The following SCHIP1 variants were observed in gnomAD, a reference collection of about 807,000 sequenced individuals.
SCHIP1 encodes schwannomin interacting protein 1, also known as schwannomin-interacting protein 1.
Under a neutral mutation model 29.7 loss-of-function variants are expected in SCHIP1, and 8 were observed. The ratio of observed to expected loss-of-function variants is 0.27; its 90% CI spans 0.16 to 0.49. SCHIP1 has a LOEUF of 0.49. Ranked by LOEUF, SCHIP1 falls within the 20% of genes least tolerant of loss-of-function variation. The pLI is 0.99. For missense variants in SCHIP1, 193 were observed against 294.6 expected, an observed-to-expected ratio of 0.66 and a Z score of 2.52; for synonymous variants, 76 against 94.9, an observed-to-expected ratio of 0.80 and a Z score of 1.16.
the SCHIP1 span, chr3:159,764,281 C>A: frequency 2.7e-6 from 2 of 743,044 alleles, no homozygotes; most frequent in Non-Finnish European, 4.1e-6. This position sits in a 1 kb window ranked among gnomAD's most constrained non-coding sequence, Gnocchi z 6.1. Flanking sequence ...AGGAGGGAAG[C>A]CTCAGGCTGG....
chr3:159,606,626 A>G, the SCHIP1 span, among the ~76,000 whole-genome samples: 1 of 152,062 alleles, frequency 6.6e-6, no homozygotes, highest in African/African-American at 2.4e-5. Flanking sequence ...CAGGACACCC[A>G]TGGTAAACAT....
chr3:159,575,187 A>G, the SCHIP1 span, among the ~76,000 whole-genome samples: 1 of 152,192 alleles, frequency 6.6e-6, no homozygotes, highest in East Asian at 1.9e-4. Flanking sequence ...TTCTTCGTCA[A>G]TCACGCTGCG....
At chr3:159,357,131 G>T in the SCHIP1 span, among the ~76,000 whole-genome samples, 1 of 152,178 alleles carries the variant, frequency 6.6e-6, no homozygotes, top group Non-Finnish European at 1.5e-5. Flanking sequence ...AAAGTGACTT[G>T]TTTCAGCATG....
At chr3:159,671,729 G>C in the SCHIP1 span, among the ~76,000 whole-genome samples, 2 of 152,098 alleles carry the variant, frequency 1.3e-5, no homozygotes, top group Non-Finnish European at 2.9e-5. Context: ...GAAGCCATTG[G>C]TTTAACTCAA....
chr3:159,427,162 C>T, the SCHIP1 span, among the ~76,000 whole-genome samples: 12 of 152,010 alleles, frequency 7.9e-5, 1 homozygote, highest in East Asian at 9.7e-4. Flanking sequence ...CCCTCTCTCA[C>T]CACTCCTATT....
At chr3:159,303,481 A>G in the SCHIP1 span, among the ~76,000 whole-genome samples, 3 of 151,696 alleles carry the variant, frequency 2.0e-5, no homozygotes, top group East Asian at 5.8e-4. Flanking sequence ...AAAAGAAAAG[A>G]AAGAGAAAGA....
chr3:159,516,554 T>A, the SCHIP1 span, among the ~76,000 whole-genome samples: 1 of 152,096 alleles, frequency 6.6e-6, no homozygotes, highest in Non-Finnish European at 1.5e-5. Context: ...TCTTCTCCCC[T>A]CTCCAACCCC....
the SCHIP1 span, among the ~76,000 whole-genome samples, chr3:159,557,942 G>A: frequency 3.9e-5 from 6 of 152,220 alleles, no homozygotes; most frequent in African/African-American, 1.2e-4. Flanking sequence ...GTATAAGGAC[G>A]CAGTTCCTGG....
At chr3:159,563,480 A>T in the SCHIP1 span, among the ~76,000 whole-genome samples, 1 of 152,114 alleles carries the variant, frequency 6.6e-6, no homozygotes, top group East Asian at 1.9e-4. Context: ...TTATAAATTT[A>T]TGTATAAATA....
At chr3:159,343,579 A>G in the SCHIP1 span, among the ~76,000 whole-genome samples, 1 of 152,220 alleles carries the variant, frequency 6.6e-6, no homozygotes, top group Admixed American at 6.5e-5. Context: ...CAAGCAGACA[A>G]TCCAAACCAT....
At chr3:159,455,894 C>A in the SCHIP1 span, among the ~76,000 whole-genome samples, 1 of 152,086 alleles carries the variant, frequency 6.6e-6, no homozygotes, top group African/African-American at 2.4e-5. Flanking sequence ...AGGGCAGAGG[C>A]CTGGGGCTGC....
the SCHIP1 span, among the ~76,000 whole-genome samples, chr3:159,329,790 T>C: frequency 3.3e-5 from 5 of 152,286 alleles, no homozygotes; most frequent in Admixed American, 2.6e-4. Context: ...TGTAAATTTA[T>C]AGCAATGTTT....
chr3:159,422,057 T>C, the SCHIP1 span, among the ~76,000 whole-genome samples: 1 of 152,264 alleles, frequency 6.6e-6, no homozygotes, highest in Non-Finnish European at 1.5e-5. Context: ...TATTTTGTTA[T>C]TTAGTTGCTA....
chr3:159,460,114 G>A, the SCHIP1 span, among the ~76,000 whole-genome samples: 18 of 152,192 alleles, frequency 1.2e-4, no homozygotes, highest in Middle Eastern at 3.2e-3. Flanking sequence ...AATAGCATCA[G>A]CTGTTCCACA....
the SCHIP1 span, among the ~76,000 whole-genome samples, chr3:159,282,159 G>T: frequency 6.6e-6 from 1 of 151,912 alleles, no homozygotes; most frequent in African/African-American, 2.4e-5. Context: ...CCTTACAAGA[G>T]ATTACTGTAA....
At chr3:159,609,974 G>A in the SCHIP1 span, among the ~76,000 whole-genome samples, 12 of 152,152 alleles carry the variant, frequency 7.9e-5, no homozygotes, top group Non-Finnish European at 8.8e-5. Context: ...CCTATGCTAC[G>A]AGGGGCTGCC....
chr3:159,737,773 C>A, the SCHIP1 span, among the ~76,000 whole-genome samples: 1 of 152,150 alleles, frequency 6.6e-6, no homozygotes, highest in East Asian at 1.9e-4. Context: ...CTGTCAACTC[C>A]AATTCATTGG....
intron 5 of SCHIP1, among the ~76,000 whole-genome samples, chr3:159,889,473 T>C (rs1717276929): frequency 6.6e-6 from 1 of 151,832 alleles, no homozygotes; most frequent in Non-Finnish European, 1.5e-5. Flanking sequence ...GAGTGGTGAG[T>C]GGTGCTCACT....
At chr3:159,613,222 G>T in the SCHIP1 span, among the ~76,000 whole-genome samples, 2 of 152,266 alleles carry the variant, frequency 1.3e-5, no homozygotes, top group South Asian at 2.1e-4. Flanking sequence ...TAGAATATGA[G>T]AGACACCCTT....
Sources: gnomAD v4.1 joint callset for allele counts (sites outside exome capture counted in the v4.1 genomes callset) on GRCh38, gnomAD v4.1.1 for gene constraint, Gnocchi (gnomAD v3.1) non-coding constraint, MANE v1.5 for transcripts, NCBI Gene and HGNC (gene_info 2026-07-23, HGNC 2026-07-21) for gene names.